The following FECH variants were observed in gnomAD, a reference collection of about 807,000 sequenced individuals.
FECH encodes the protein ferrochelatase, also known as ferrochelatase, mitochondrial.
A neutral mutation model predicts 56.9 loss-of-function variants in FECH; 40 were observed. The ratio of observed to expected loss-of-function variants is 0.70; its 90% CI spans 0.55 to 0.92. The LOEUF (loss-of-function observed/expected upper bound fraction) is 0.92. Ranked by LOEUF, FECH falls within the 40% of genes least tolerant of loss-of-function variation. The pLI is 0.00. For missense variants in FECH, 431 were observed against 529.1 expected (o/e 0.81, Z 1.82); for synonymous variants, 175 against 198.6 (o/e 0.88, Z 1.00).
chr18:57,572,320 C>A (rs991102085), intron 3 of FECH, among the ~76,000 whole-genome samples: 24 of 151,798 alleles, frequency 1.6e-4, no homozygotes, highest in Non-Finnish European at 7.4e-5. Flanking sequence ...GGACAAAAAA[C>A]CAAACACCGC....
chr18:57,564,426 C>T (rs1371939571), intron 5 of FECH, among the ~76,000 whole-genome samples: 5 of 152,160 alleles, frequency 3.3e-5, no homozygotes, highest in Non-Finnish European at 7.3e-5. Flanking sequence ...TCCTATGAAA[C>T]CAAGTCTAAC....
intron 10 of FECH, 57 bp from the exon 11 acceptor site, chr18:57,550,903 C>T: frequency 6.2e-7 from 1 of 1,609,336 alleles, no homozygotes; most frequent in South Asian, 1.1e-5. Context: ...GCTCGTCTGC[C>T]ATGCCCCCTC....
intron 1 of FECH, 63 bp from the exon 2 acceptor site, chr18:57,580,262 C>T (rs2051258142): frequency 6.3e-7 from 1 of 1,592,260 alleles, no homozygotes; most frequent in South Asian, 1.1e-5. Context: ...CTGAAGAGGT[C>T]CTCAGAGCAT....
chr18:57,551,319 G>A lies in FECH; in HGVS notation c.1133C>T (p.Ser378Phe), dbSNP rs556144432. 4.4e-6 allele frequency: 7 copies of A among 1,608,480 alleles called. No individual in the cohort carries two copies. In the South Asian group the frequency reaches 6.6e-5, roughly 15 times the overall value. ...AESLNGNPLF[S>F]KALADLVHSH... ...CGATTGTAACACTGTAGATACCTTA[G>A]AGAACAATGGATTTCCATTAAGAGA... is the stretch of plus-strand genomic sequence containing the variant. The change falls in exon 10 of 11, where the codon TCT becomes TTT. Residue 378 changes from serine to phenylalanine, a missense_variant. Coordinates refer to ENST00000262093, the MANE Select transcript of FECH (RefSeq NM_000140.5).
At chr18:57,557,042 G>A (rs1482996429) in intron 7 of FECH, among the ~76,000 whole-genome samples, 1 of 152,022 alleles carries the variant, frequency 6.6e-6, no homozygotes, top group African/African-American at 2.4e-5. Flanking sequence ...CTGGGTCCTG[G>A]GAGAGAAAAA....
rs1363410918 is a variant in FECH at position 57,573,340 on chromosome 18, G to C, written c.220C>G (p.Leu74Val). ...AGAGTTTCAGGGCCTCCCATGTTTA[G>C]CATTAATATTCCAGTTTTCGGCTTC... ...KRKPKTGILM[L>V]NMGGPETLGD... The change falls in exon 3 of 11, where the codon CTA becomes GTA. Residue 74 changes from leucine to valine, a missense_variant. By Grantham distance (32) the Leu-to-Val change is conservative. Coordinates refer to ENST00000262093, the MANE Select transcript of FECH (RefSeq NM_000140.5). 7 of 1,614,058 alleles carry C rather than the reference G, an allele frequency of 4.3e-6. No individual in the cohort carries two copies. Among genetic ancestry groups the C allele is most frequent in the Non-Finnish European group, 5.9e-6 (7 of 1,179,954 alleles).
intron 6 of FECH, 58 bp downstream of exon 6, chr18:57,562,816 G>T: frequency 7.4e-7 from 1 of 1,351,122 alleles, no homozygotes; most frequent in South Asian, 1.2e-5. Flanking sequence ...CAGAAGGGAT[G>T]AGAAGCTGAT....
At chr18:57,554,732 C>T (rs975463666) in intron 8 of FECH, 113 bp downstream of exon 8, 1 of 865,808 alleles carries the variant, frequency 1.2e-6, no homozygotes, top group Non-Finnish European at 1.9e-6. Flanking sequence ...GGTGAGCAAT[C>T]AGGTTATGGA....
At chr18:57,556,065 G>A (rs1790610) in intron 7 of FECH, among the ~76,000 whole-genome samples, 1 of 152,240 alleles carries the variant, frequency 6.6e-6, no homozygotes, top group Non-Finnish European at 1.5e-5. Context: ...GGAGGCGGAA[G>A]CTGCAGTGAG....
chr18:57,578,289 A>G (rs766776541), intron 2 of FECH, among the ~76,000 whole-genome samples: 4 of 152,172 alleles, frequency 2.6e-5, no homozygotes, highest in Non-Finnish European at 5.9e-5. Context: ...GCCCATCCCC[A>G]ACTAACCTCA....
At chr18:57,556,434 C>G (rs1293140607) in intron 7 of FECH, among the ~76,000 whole-genome samples, 1 of 152,150 alleles carries the variant, frequency 6.6e-6, no homozygotes, top group Non-Finnish European at 1.5e-5. Flanking sequence ...GATCACATCA[C>G]CAGTAGAAAA....
At chr18:57,554,487 G>C in intron 8 of FECH, 63 bp from the exon 9 acceptor site, 1 of 1,463,068 alleles carries the variant, frequency 6.8e-7, no homozygotes, top group South Asian at 1.1e-5. Context: ...TAGTACCCCT[G>C]TTTGCCCCCC....
At chr18:57,582,183 C>T (rs563191923) in intron 1 of FECH, among the ~76,000 whole-genome samples, 44 of 152,286 alleles carry the variant, frequency 2.9e-4, no homozygotes, top group African/African-American at 9.4e-4. Context: ...GAAACCTTGG[C>T]ATTCCACAGT....
At chr18:57,582,857 AGAC>A (rs200919924) in intron 1 of FECH, among the ~76,000 whole-genome samples, 3,677 of 151,432 alleles carry the variant, frequency 0.024, 90 homozygotes, top group Non-Finnish European at 0.036. Flanking sequence ...GCTTGCAGTG[AGAC>A]GAGATCACAC....
intron 9 of FECH, among the ~76,000 whole-genome samples, chr18:57,553,392 T>C (rs2050824649): frequency 6.6e-6 from 1 of 152,094 alleles, no homozygotes; most frequent in African/African-American, 2.4e-5. Context: ...ACCCACTCTC[T>C]ACCCTGCCCT....
At chr18:57,552,680 G>C (rs976654637) in intron 9 of FECH, among the ~76,000 whole-genome samples, 1 of 152,162 alleles carries the variant, frequency 6.6e-6, no homozygotes, top group African/African-American at 2.4e-5. Flanking sequence ...GATTACAGGT[G>C]TGAACCACCA....
At chr18:57,578,990 GTAATC>G (rs1230190033) in intron 2 of FECH, among the ~76,000 whole-genome samples, 1 of 151,466 alleles carries the variant, frequency 6.6e-6, no homozygotes, top group Non-Finnish European at 1.5e-5. Context: ...GCTCATGCCT[GTAATC>G]CCAGCACTTT....
chr18:57,545,237 T>C lies in FECH; in HGVS notation c.*5475A>G, dbSNP rs2050704620. Among the ~76,000 whole-genome samples, 3 of 152,192 alleles carry C rather than the reference T, an allele frequency of 2.0e-5. No homozygotes were observed. Among genetic ancestry groups the C allele is most frequent in the African/African-American group, 4.8e-5 (2 of 41,454 alleles). ...CTACCCAAGGGCTTATAACAAAGGC[T>C]CAAAGCAGGCTTTTTTCCAAAAATG... On this transcript the variant is annotated 3_prime_UTR_variant, in exon 11 of 11. Coordinates refer to ENST00000262093, the MANE Select transcript of FECH (RefSeq NM_000140.5).
intron 7 of FECH, among the ~76,000 whole-genome samples, chr18:57,556,024 G>A (rs987404545): frequency 1.3e-5 from 2 of 152,206 alleles, no homozygotes; most frequent in African/African-American, 4.8e-5. Flanking sequence ...AGCTACTCAG[G>A]AGGCTGAGGC....
Sources: gnomAD v4.1 joint callset for allele counts (sites outside exome capture counted in the v4.1 genomes callset) on GRCh38, gnomAD v4.1.1 for gene constraint, MANE v1.5 for transcripts, NCBI Gene and HGNC (gene_info 2026-07-23, HGNC 2026-07-21) for gene names.